RPP30: variants seen among roughly 807,000 people sequenced by gnomAD.
RPP30 encodes the protein ribonuclease P protein subunit p30.
Under a neutral mutation model 38.6 loss-of-function variants are expected in RPP30, and 36 were observed. The ratio of observed to expected loss-of-function variants is 0.93; its 90% confidence interval spans 0.71 to 1.23. The LOEUF (loss-of-function observed/expected upper bound fraction) is 1.23, where lower values mean the gene tolerates loss of function less well. Ranked by LOEUF, RPP30 falls within the 50% of genes most tolerant of loss-of-function variation. The probability of loss-of-function intolerance (pLI) is 0.00; values close to 1 mark genes in which losing one functional copy is unlikely to be tolerated. For missense variants in RPP30, 321 were observed against 321.7 expected (o/e 1.00, Z 0.02); for synonymous variants, 126 against 112.7 (o/e 1.12, Z -0.75).
chr10:90,895,550 T>TA, intron 8 of RPP30, 67 bp downstream of exon 8: 1 of 871,270 alleles, frequency 1.1e-6, no homozygotes, highest in Non-Finnish European at 1.6e-6. Flanking sequence ...TTCTAGGGGA[T>TA]AAATTAAAAT....
At chr10:90,903,559 T>C (rs919306347), downstream of RPP30, among the ~76,000 whole-genome samples, 2 of 152,348 alleles carry the variant, frequency 1.3e-5, no homozygotes, top group Admixed American at 6.5e-5. Flanking sequence ...TGTTTGCAGT[T>C]GTGCGTGCTT....
chr10:90,906,280 T>G (rs1847254509), downstream of RPP30, among the ~76,000 whole-genome samples: 1 of 151,916 alleles, frequency 6.6e-6, no homozygotes, highest in Non-Finnish European at 1.5e-5. Flanking sequence ...GAATGAGAAG[T>G]GATGTGATGG....
intron 6 of RPP30, among the ~76,000 whole-genome samples, chr10:90,890,362 T>C (rs7085559): frequency 0.2 from 29,753 of 152,194 alleles, 3,245 homozygotes; most frequent in African/African-American, 0.3. Context: ...TTCAATGTTA[T>C]TGTCACTTAA....
intron 1 of RPP30, among the ~76,000 whole-genome samples, chr10:90,872,675 C>T (rs1405654676): frequency 6.6e-6 from 1 of 152,008 alleles, no homozygotes; most frequent in African/African-American, 2.4e-5. Flanking sequence ...TTCTGTATTC[C>T]GTAGACTGTA....
downstream of RPP30, among the ~76,000 whole-genome samples, chr10:90,907,902 G>A (rs1847270363): frequency 1.3e-5 from 2 of 152,154 alleles, no homozygotes; most frequent in South Asian, 4.1e-4. Context: ...TCATTAGGCG[G>A]TTTTGTTGTG....
chr10:90,879,141 A>G lies in RPP30; in HGVS notation c.342+7A>G. 1 of 1,607,056 alleles carries G rather than the reference A, an allele frequency of 6.2e-7. No homozygotes were observed. Among genetic ancestry groups the G allele is most frequent in the Non-Finnish European group, 8.5e-7 (1 of 1,173,654 alleles). On this transcript the variant is annotated splice_region_variant and intron_variant, in intron 5 of 10. Transcript: ENST00000371703. ...GACAGAAAAGCTTTTTCATGTGAGT[A>G]ACAGATAAGTAAAAGAAAGTAGTGT...
intron 3 of RPP30, 143 bp from the exon 4 acceptor site, chr10:90,875,881 A>G (rs906717444): frequency 1.6e-6 from 1 of 625,070 alleles, no homozygotes; most frequent in Non-Finnish European, 2.8e-6. Context: ...TGTATTGTAA[A>G]TTCCTAGAGA....
intron 2 of RPP30, 135 bp downstream of exon 2, chr10:90,875,059 T>A: frequency 2.0e-6 from 1 of 507,878 alleles, no homozygotes; most frequent in Non-Finnish European, 3.5e-6. Flanking sequence ...TTCTATTTTA[T>A]ATAGAAACAG....
chr10:90,897,568 G>A (rs1320052383), intron 10 of RPP30, among the ~76,000 whole-genome samples: 7 of 152,122 alleles, frequency 4.6e-5, no homozygotes, highest in African/African-American at 1.7e-4. Context: ...GGAACAGTTG[G>A]TTCACACTTT....
Position 90,876,046 on chromosome 10 carries a change from T to G in RPP30, c.218T>G (p.Ile73Ser). 6.4e-7 allele frequency: 1 copy of G among 1,569,820 alleles called. No individual in the cohort carries two copies. Among genetic ancestry groups the G allele is most frequent in the Non-Finnish European group, 8.8e-7 (1 of 1,140,152 alleles). The part of the protein sequence containing the change: ...IVQGKSRPIK[I>S]LTRLTIIVSD... ...TAGGGAAAATCAAGACCAATTAAAA[T>G]TTTAACTAGATTAACAATTATTGTC... The change falls in exon 4 of 11, where the codon ATT becomes AGT. Residue 73 changes from isoleucine to serine, a missense_variant. By Grantham distance (142) the Ile-to-Ser change is moderately radical. Coordinates refer to ENST00000371703, the MANE Select transcript of RPP30 (RefSeq NM_006413.5).
At chr10:90,894,459 A>G (rs111541851) in intron 6 of RPP30, among the ~76,000 whole-genome samples, 205 of 152,134 alleles carry the variant, frequency 1.3e-3, no homozygotes, top group African/African-American at 4.6e-3. Context: ...TTTCCTTTTG[A>G]TAGTTCATGG....
Position 90,885,123 on chromosome 10 carries a change from G to A in RPP30, c.343-689G>A, listed in dbSNP as rs556353108. On this transcript the variant is annotated intron_variant, in intron 5 of 10. Coordinates refer to ENST00000371703, the MANE Select transcript of RPP30 (RefSeq NM_006413.5). Reference sequence around the variant, plus strand: ...ATCTTGTATGTGGTTTTCATAAACAGTTTCAAATCTCTTTGAGAAGAAAAT... The same window carrying A: ...ATCTTGTATGTGGTTTTCATAAACAATTTCAAATCTCTTTGAGAAGAAAAT... Among the ~76,000 whole-genome samples, 307 of 152,132 alleles carry A rather than the reference G, an allele frequency of 2.0e-3. 1 individual carries two copies. Among genetic ancestry groups the A allele is most frequent in the Middle Eastern group, 0.01 (3 of 294 alleles).
Position 90,874,860 on chromosome 10 carries a change from CT to C in RPP30, c.83-4del, listed in dbSNP as rs779489077. 4.8e-5 allele frequency: 76 copies of C among 1,588,636 alleles called. 6 individuals are homozygous for C. The South Asian group carries it at 8.2e-4, about 17-fold the overall frequency. On this transcript the variant is annotated splice_region_variant and splice_polypyrimidine_tract_variant and intron_variant, in intron 1 of 10. Coordinates refer to ENST00000371703, the MANE Select transcript of RPP30 (RefSeq NM_006413.5). Reference sequence around the variant, plus strand: ...TATTTAACAAAAGTGTTCAATTTTTCTTTTTCAGTTGGCTATTCAGTTGTTG... The same window carrying C: ...TATTTAACAAAAGTGTTCAATTTTTCTTTTCAGTTGGCTATTCAGTTGTTG...
intron 6 of RPP30, among the ~76,000 whole-genome samples, chr10:90,892,078 A>G (rs1042743802): frequency 6.6e-6 from 1 of 152,216 alleles, no homozygotes; most frequent in Admixed American, 6.5e-5. Flanking sequence ...TCTTGATTCA[A>G]CTGTCACACA....
chr10:90,892,816 G>A (rs886383463), intron 6 of RPP30, among the ~76,000 whole-genome samples: 5 of 152,122 alleles, frequency 3.3e-5, no homozygotes, highest in East Asian at 1.9e-4. Flanking sequence ...CAGGTGCACC[G>A]AGGTTCCTTT....
At chr10:90,903,263 C>T (rs202243531), downstream of RPP30, 13 of 1,606,166 alleles carry the variant, frequency 8.1e-6, no homozygotes, top group African/African-American at 1.3e-4. Flanking sequence ...CAGGCTTTGA[C>T]CCTTCTTTAA....
At position 90,902,167 on chromosome 10, in the gene RPP30, A is replaced by G. The variant is rs1847211571; in HGVS notation, c.*1488A>G. On this transcript the variant is annotated 3_prime_UTR_variant, in exon 11 of 11. Coordinates refer to ENST00000371703, the MANE Select transcript of RPP30 (RefSeq NM_006413.5). ...ATGAATACAAATGTTTAAATAAAAT[A>G]TTGATTAAAAAAACATTAAAAGTGC... The G allele has an allele frequency of 2.1e-6, 2 of 942,290 alleles. No individual in the cohort carries two copies. The highest frequency in any genetic ancestry group is 2.5e-6 in the Non-Finnish European group (2 of 785,950). The allele number at this position is 942,290 out of a possible 1,614,324, so 58.4% of individuals were successfully genotyped here.
At chr10:90,897,896 G>C (rs1221896546) in intron 10 of RPP30, among the ~76,000 whole-genome samples, 1 of 152,072 alleles carries the variant, frequency 6.6e-6, no homozygotes, top group Non-Finnish European at 1.5e-5. Flanking sequence ...GGAAAATGGG[G>C]TGTCCATCCC....
rs554180925 is a variant in RPP30, at chr10:90,896,611, T to C, written c.697+219T>C. Among the ~76,000 whole-genome samples the C allele has an allele frequency of 2.0e-5, 3 of 152,306 alleles. No individual in the cohort carries two copies. The East Asian group carries it at 5.8e-4, about 29-fold the overall frequency. On this transcript the variant is annotated intron_variant, in intron 10 of 10. Transcript: ENST00000371703. ...ATAGTTTTCATTACAGAAATAAGTATTGAATAGTTCTTCCAGCTATACATG... is the reference window on the plus strand; with the variant it reads ...ATAGTTTTCATTACAGAAATAAGTACTGAATAGTTCTTCCAGCTATACATG...
Sources: allele counts gnomAD v4.1 joint callset (sites outside exome capture counted in the v4.1 genomes callset), GRCh38; gene constraint gnomAD v4.1.1; transcripts MANE v1.5; gene names NCBI Gene and HGNC (gene_info 2026-07-23, HGNC 2026-07-21).